The following CDH13 variants were observed in gnomAD, a reference collection of about 807,000 sequenced individuals.
The protein encoded by CDH13 is cadherin-13.
A neutral mutation model predicts 63.8 loss-of-function variants in CDH13; 24 were observed. That is an observed-to-expected ratio of 0.38 (90% CI 0.27 to 0.53). The LOEUF (loss-of-function observed/expected upper bound fraction) is 0.53, where lower values mean the gene tolerates loss of function less well. Ranked by LOEUF, CDH13 falls within the 20% of genes least tolerant of loss-of-function variation. The pLI, the probability that CDH13 is intolerant of heterozygous loss-of-function variation, is 0.85. For synonymous variants in CDH13, 503 were observed against 355.3 expected (o/e 1.42, Z -4.67); for missense variants, 1,049 against 903.1 (o/e 1.16, Z -2.07).
chr16:83,607,752 G>A lies in CDH13; in HGVS notation c.1101+5158G>A, dbSNP rs146684779. ...TATAAGTTTTCCTAATAGCTTGTACGTATGACTTCAACTAACTGTTAGTTT... is the reference window on the plus strand; with the variant it reads ...TATAAGTTTTCCTAATAGCTTGTACATATGACTTCAACTAACTGTTAGTTT... On this transcript the variant is annotated intron_variant, in intron 8 of 13. Transcript: ENST00000567109. Among the ~76,000 whole-genome samples, 13 of 152,250 alleles carry A rather than the reference G, an allele frequency of 8.5e-5. No individual in the cohort carries two copies. In the East Asian group the frequency reaches 9.7e-4, roughly 11 times the overall value.
At chr16:83,033,495 A>C (rs1010869948) in intron 3 of CDH13, among the ~76,000 whole-genome samples, 1 of 152,176 alleles carries the variant, frequency 6.6e-6, no homozygotes, top group African/African-American at 2.4e-5. Context: ...GCATACACAT[A>C]CTATATATGC....
intron 6 of CDH13, among the ~76,000 whole-genome samples, chr16:83,413,981 G>A (rs1215668163): frequency 2.6e-5 from 4 of 151,186 alleles, no homozygotes; most frequent in East Asian, 3.9e-4. Context: ...GCAATAGAGC[G>A]AGACTCCATC....
chr16:82,775,006 A>G (rs546288000), intron 1 of CDH13, among the ~76,000 whole-genome samples: 1 of 152,226 alleles, frequency 6.6e-6, no homozygotes, highest in South Asian at 2.1e-4. Context: ...TGGGTTGCAG[A>G]CTCTACCTAA....
chr16:83,448,781 A>T (rs569154884), intron 6 of CDH13, among the ~76,000 whole-genome samples: 26 of 152,288 alleles, frequency 1.7e-4, no homozygotes, highest in African/African-American at 6.0e-4. Context: ...TGAAAGGAAT[A>T]GAAAATAGAG....
intron 4 of CDH13, among the ~76,000 whole-genome samples, chr16:83,190,867 T>A (rs940453637): frequency 6.6e-6 from 1 of 152,176 alleles, no homozygotes; most frequent in African/African-American, 2.4e-5. Context: ...AATGGCTAAT[T>A]GCTAAGCAAT....
At chr16:83,253,744 G>C (rs767065301) in intron 5 of CDH13, among the ~76,000 whole-genome samples, 35 of 152,178 alleles carry the variant, frequency 2.3e-4, no homozygotes, top group East Asian at 1.9e-4. Flanking sequence ...TCAGTGTTCT[G>C]TTAGCAATTA....
chr16:83,398,592 G>A (rs780708683), intron 6 of CDH13, among the ~76,000 whole-genome samples: 1 of 151,798 alleles, frequency 6.6e-6, no homozygotes, highest in Non-Finnish European at 1.5e-5. Context: ...GGACATAGAG[G>A]TATCTTTTAG....
intron 10 of CDH13, among the ~76,000 whole-genome samples, chr16:83,726,600 C>A (rs1440986995): frequency 6.6e-6 from 1 of 152,100 alleles, no homozygotes; most frequent in South Asian, 2.1e-4. Context: ...CTTTGGGAGG[C>A]CGAGGCGGGC....
At chr16:82,816,959 G>C (rs1201239171) in intron 1 of CDH13, among the ~76,000 whole-genome samples, 1 of 151,990 alleles carries the variant, frequency 6.6e-6, no homozygotes, top group Non-Finnish European at 1.5e-5. Context: ...CTAAAAGAGA[G>C]GGAAAAACAG....
At chr16:82,894,255 C>G (rs1248281116) in intron 2 of CDH13, among the ~76,000 whole-genome samples, 1 of 152,134 alleles carries the variant, frequency 6.6e-6, no homozygotes, top group African/African-American at 2.4e-5. Context: ...CTGCCCAGCT[C>G]CAGGGCAGGA....
chr16:82,937,178 G>A (rs576325330), intron 2 of CDH13, among the ~76,000 whole-genome samples: 2 of 152,124 alleles, frequency 1.3e-5, no homozygotes, highest in Non-Finnish European at 2.9e-5. Context: ...CTGCTGCATT[G>A]TTTTGCTTTT....
intron 1 of CDH13, among the ~76,000 whole-genome samples, chr16:82,666,701 A>T (rs1015813464): frequency 6.6e-6 from 1 of 152,234 alleles, no homozygotes; most frequent in African/African-American, 2.4e-5. Flanking sequence ...TGTGGTGCAT[A>T]TCACAATGTA....
At chr16:82,755,350 G>A (rs1015759093) in intron 1 of CDH13, among the ~76,000 whole-genome samples, 4 of 152,196 alleles carry the variant, frequency 2.6e-5, no homozygotes, top group African/African-American at 9.7e-5. Flanking sequence ...TGCACTGAGG[G>A]AAAACCAGGA....
At chr16:83,083,709 C>G (rs1208951121) in intron 3 of CDH13, among the ~76,000 whole-genome samples, 1 of 152,222 alleles carries the variant, frequency 6.6e-6, no homozygotes, top group African/African-American at 2.4e-5. Flanking sequence ...GAGCCTCTAG[C>G]TATAAATGGA....
intron 6 of CDH13, among the ~76,000 whole-genome samples, chr16:83,363,446 G>A (rs1176639770): frequency 2.0e-5 from 3 of 152,220 alleles, no homozygotes; most frequent in African/African-American, 7.2e-5. Flanking sequence ...GTTAGCCTGT[G>A]AGTGGTCCTC....
chr16:83,481,457 C>T (rs17758707), intron 6 of CDH13, among the ~76,000 whole-genome samples: 15,875 of 152,220 alleles, frequency 0.1, 919 homozygotes, highest in Non-Finnish European at 0.13. Context: ...AAGGGGTTGG[C>T]CGTGCTTGAA....
intron 6 of CDH13, among the ~76,000 whole-genome samples, chr16:83,405,113 A>G (rs2092022124): frequency 1.3e-5 from 2 of 150,996 alleles, no homozygotes; most frequent in South Asian, 4.2e-4. Context: ...CATTTTCTGA[A>G]GTCCCAATCC....
At chr16:83,443,560 A>G (rs1170724803) in intron 6 of CDH13, among the ~76,000 whole-genome samples, 1 of 151,612 alleles carries the variant, frequency 6.6e-6, no homozygotes, top group Non-Finnish European at 1.5e-5. Flanking sequence ...AGTATAAAGC[A>G]CTCTAGTCTT....
rs200693082 is a variant in CDH13, at chr16:83,446,300, C to CAAAA, written c.782-40164_782-40161dup. ...CCTGGGCGACAGAGTGAGACTGTCT[C>CAAAA]AAAAAAAAAAAAAAAAGAAAGAAAG... On this transcript the variant is annotated intron_variant, in intron 6 of 13. Transcript: ENST00000567109. Among the ~76,000 whole-genome samples the CAAAA allele has an allele frequency of 1.8e-3, 151 of 82,292 alleles. 3 individuals carry two copies. The South Asian group carries it at 0.056, about 30-fold the overall frequency. The allele number at this position is 82,292 out of a possible 152,430, so 54.0% of individuals were successfully genotyped here.
Sources: gnomAD v4.1 joint callset for allele counts (sites outside exome capture counted in the v4.1 genomes callset) on GRCh38, gnomAD v4.1.1 for gene constraint, MANE v1.5 for transcripts, NCBI Gene and HGNC (gene_info 2026-07-23, HGNC 2026-07-21) for gene names.